Variants in DIAPH3 observed in about 807,000 individuals in gnomAD.
The protein encoded by DIAPH3 is diaphanous related formin 3.
Under a neutral mutation model 144.3 loss-of-function variants are expected in DIAPH3, and 117 were observed. The observed-to-expected ratio is 0.81, with a 90% CI of 0.70 to 0.95. The LOEUF (loss-of-function observed/expected upper bound fraction) is 0.95, where lower values mean the gene tolerates loss of function less well. Ranked by LOEUF, DIAPH3 falls within the 40% of genes least tolerant of loss-of-function variation. The pLI is 0.00. For missense variants in DIAPH3, 1,421 were observed against 1,412.7 expected (o/e 1.01, Z -0.09); for synonymous variants, 519 against 488.9 (o/e 1.06, Z -0.81).
chr13:60,052,580 A>AAT, intron 4 of DIAPH3, among the ~76,000 whole-genome samples: 1 of 152,286 alleles, frequency 6.6e-6, no homozygotes, highest in East Asian at 1.9e-4. Flanking sequence ...TCTCCACTAG[A>AAT]ATACACCCTA....
intron 24 of DIAPH3, among the ~76,000 whole-genome samples, chr13:59,820,033 T>TA (rs1225553987): frequency 3.3e-5 from 5 of 150,324 alleles, no homozygotes; most frequent in African/African-American, 1.2e-4. Flanking sequence ...TGTTAACAAG[T>TA]ATTATTATTT....
At chr13:60,091,210 T>C (rs2057919256) in intron 4 of DIAPH3, among the ~76,000 whole-genome samples, 2 of 151,866 alleles carry the variant, frequency 1.3e-5, no homozygotes, top group Admixed American at 1.3e-4. Flanking sequence ...CAGTCTGTTA[T>C]TTTTTTTCCA....
At chr13:60,031,622 G>C (rs947563563) in intron 5 of DIAPH3, among the ~76,000 whole-genome samples, 1 of 151,970 alleles carries the variant, frequency 6.6e-6, no homozygotes, top group Non-Finnish European at 1.5e-5. Context: ...AGATACAACG[G>C]GGGTACAGAT....
intron 24 of DIAPH3, among the ~76,000 whole-genome samples, chr13:59,824,911 G>A (rs341521): frequency 0.7 from 106,620 of 151,928 alleles, 37,756 homozygotes; most frequent in East Asian, 0.86. Context: ...GGAAATGTTC[G>A]TGTGCTCAAA....
At chr13:60,058,929 C>T (rs2056661729) in intron 4 of DIAPH3, among the ~76,000 whole-genome samples, 1 of 151,648 alleles carries the variant, frequency 6.6e-6, no homozygotes, top group Non-Finnish European at 1.5e-5. Context: ...TGTACACTAC[C>T]CAAGTGACAA....
At chr13:60,038,127 TG>T (rs1428101076) in intron 5 of DIAPH3, among the ~76,000 whole-genome samples, 1 of 151,288 alleles carries the variant, frequency 6.6e-6, no homozygotes, top group Non-Finnish European at 1.5e-5. Flanking sequence ...GGGGAAGGGG[TG>T]TTTAGGAATG....
At chr13:59,917,210 A>G (rs926815746) in intron 18 of DIAPH3, among the ~76,000 whole-genome samples, 1 of 152,184 alleles carries the variant, frequency 6.6e-6, no homozygotes, top group East Asian at 1.9e-4. Context: ...CCAACTGTGG[A>G]TCAAATTCAA....
chr13:59,771,168 T>G (rs1239550857), intron 27 of DIAPH3, among the ~76,000 whole-genome samples: 1 of 152,242 alleles, frequency 6.6e-6, no homozygotes, highest in African/African-American at 2.4e-5. Context: ...ATGCTCTCTC[T>G]ATATATAAAA....
At chr13:60,085,224 T>C (rs1220441644) in intron 4 of DIAPH3, among the ~76,000 whole-genome samples, 13 of 152,148 alleles carry the variant, frequency 8.5e-5, no homozygotes, top group African/African-American at 2.9e-4. Flanking sequence ...CCAAATGTCA[T>C]AGAGAATTTC....
Position 59,774,745 on chromosome 13 carries a change from C to T in DIAPH3, c.3242G>A (p.Arg1081Lys), listed in dbSNP as rs767349693. The T allele has an allele frequency of 6.2e-7, 1 of 1,614,118 alleles. No individual in the cohort carries two copies. Among genetic ancestry groups the T allele is most frequent in the African/African-American group, 1.3e-5 (1 of 75,032 alleles). The part of the protein sequence containing the change: ...SGAAFRDRRK[R>K]TPMPKDVRQS... Reference sequence around the variant, plus strand: ...GGGTTCACCTTTTGGCATCGGTGTCCTTTTTCTTCTGTCGCGGAAGGCAGC... The same window carrying T: ...GGGTTCACCTTTTGGCATCGGTGTCTTTTTTCTTCTGTCGCGGAAGGCAGC... The change falls in exon 26 of 28, where the codon AGG becomes AAG. Residue 1081 changes from arginine to lysine, a missense_variant. By Grantham distance (26) the Arg-to-Lys change is conservative (BLOSUM62 2). Transcript: ENST00000400324.
At chr13:59,791,358 TTTGA>T (rs1007643758) in intron 25 of DIAPH3, among the ~76,000 whole-genome samples, 30 of 152,324 alleles carry the variant, frequency 2.0e-4, no homozygotes, top group African/African-American at 7.0e-4. Context: ...GAACTATCAC[TTTGA>T]TTGAATGCCT....
chr13:59,844,939 C>A (rs761778469), intron 22 of DIAPH3, among the ~76,000 whole-genome samples: 1 of 152,164 alleles, frequency 6.6e-6, no homozygotes, highest in Non-Finnish European at 1.5e-5. Context: ...CAGATTCAAA[C>A]AATCATGACA....
chr13:59,835,202 C>A (rs2041981971), intron 23 of DIAPH3, among the ~76,000 whole-genome samples: 2 of 151,680 alleles, frequency 1.3e-5, no homozygotes, highest in African/African-American at 4.8e-5. Flanking sequence ...ATCCAGCAAG[C>A]CATTCAGTAA....
intron 4 of DIAPH3, among the ~76,000 whole-genome samples, chr13:60,048,378 C>G (rs1041275702): frequency 6.6e-6 from 1 of 152,120 alleles, no homozygotes; most frequent in Non-Finnish European, 1.5e-5. Flanking sequence ...AGTAATAAGA[C>G]AAATTAATAA....
rs768813005 is a variant in DIAPH3, at chr13:60,042,752, T to C, written c.564A>G (p.Ala188=). 1 of 1,613,808 alleles carries C rather than the reference T, an allele frequency of 6.2e-7. No homozygotes were observed. The highest frequency in any genetic ancestry group is 1.3e-5 in the African/African-American group (1 of 75,050). Residue 188 remains alanine, a synonymous_variant, in exon 5 of 28, where the codon GCA becomes GCG. Coordinates refer to ENST00000400324, the MANE Select transcript of DIAPH3 (RefSeq NM_001042517.2). ...EFIHELKMGS[A]DERLVTCLES... ...CCAGGCATGTGACAAGTCTCTCATCTGCAGACCCCATTTTCAGCTCATGAA... is the reference window on the plus strand; with the variant it reads ...CCAGGCATGTGACAAGTCTCTCATCCGCAGACCCCATTTTCAGCTCATGAA...
intron 13 of DIAPH3, among the ~76,000 whole-genome samples, chr13:59,983,187 T>C (rs193222990): frequency 6.2e-4 from 82 of 132,262 alleles, no homozygotes; most frequent in African/African-American, 2.2e-3. Context: ...CCATCGTCTG[T>C]ATGAGTCATT....
At chr13:60,052,864 G>A (rs2056401997) in intron 4 of DIAPH3, among the ~76,000 whole-genome samples, 1 of 145,624 alleles carries the variant, frequency 6.9e-6, no homozygotes, top group Non-Finnish European at 1.5e-5. Flanking sequence ...GGGAGGCTGA[G>A]GCAGGAGAAT....
chr13:60,034,253 G>C (rs185861859), intron 5 of DIAPH3, among the ~76,000 whole-genome samples: 1 of 152,004 alleles, frequency 6.6e-6, no homozygotes, highest in Admixed American at 6.5e-5. Flanking sequence ...AACACATAAG[G>C]TTTACATTCT....
At chr13:60,021,888 TCTTATTCATAAACA>T (rs2054050308) in intron 5 of DIAPH3, among the ~76,000 whole-genome samples, 1 of 152,136 alleles carries the variant, frequency 6.6e-6, no homozygotes, top group African/African-American at 2.4e-5. Flanking sequence ...GAGTTGAGTC[TCTTATTCATAAACA>T]CTAGATGTCT....
Sources: allele counts gnomAD v4.1 joint callset (sites outside exome capture counted in the v4.1 genomes callset), GRCh38; gene constraint gnomAD v4.1.1; transcripts MANE v1.5; gene names NCBI Gene and HGNC (gene_info 2026-07-23, HGNC 2026-07-21).